Variants in CACNA1E observed in about 807,000 individuals in gnomAD.
CACNA1E encodes calcium voltage-gated channel subunit alpha1 E, also known as voltage-dependent R-type calcium channel subunit alpha-1E.
In CACNA1E, 40 loss-of-function variants were observed where a neutral mutation model predicts 259.2. The observed-to-expected ratio is 0.15, with a 90% confidence interval of 0.12 to 0.20. The LOEUF is 0.20. CACNA1E is among the 10% of genes least tolerant of loss of function. The pLI is 1.00. For synonymous variants in CACNA1E, 1,104 were observed against 1,138.5 expected, an observed-to-expected ratio of 0.97 and a Z score of 0.61; for missense variants, 1,874 against 3,040.1, an observed-to-expected ratio of 0.62 and a Z score of 9.02.
chr1:181,602,031 G>A (rs766799303), intron 6 of CACNA1E, among the ~76,000 whole-genome samples: 5 of 152,252 alleles, frequency 3.3e-5, no homozygotes, highest in Non-Finnish European at 7.4e-5. Context: ...ACTCTTTCCC[G>A]TCCTCTGGTC....
Position 181,485,394 on chromosome 1 carries a change from C to T in CACNA1E, c.266+1384C>T, listed in dbSNP as rs1663716198. 6.6e-6 allele frequency among the ~76,000 whole-genome samples: 1 copy of T among 152,164 alleles called. No individual in the cohort carries two copies. The highest frequency in any genetic ancestry group is 6.5e-5 in the Admixed American group (1 of 15,282). ...CCTCAGCAGCTCGGTGATTGGCTGGCGCGTGGTGCTTCTAGGCAGCACCCC... is the reference window on the plus strand; with the variant it reads ...CCTCAGCAGCTCGGTGATTGGCTGGTGCGTGGTGCTTCTAGGCAGCACCCC... On this transcript the variant is annotated intron_variant, in intron 1 of 47. Coordinates refer to ENST00000367573, the MANE Select transcript of CACNA1E (RefSeq NM_001205293.3). This position sits in a 1 kb window ranked among gnomAD's most constrained non-coding sequence, Gnocchi z 4.2.
chr1:181,800,837 G>A lies in CACNA1E; in HGVS notation c.*2003G>A, dbSNP rs1572930632. ...CCCGCCTTCTCTTCTGATACTAATGGAGCTTCATGACCCACGGTCAGCCCC... is the reference window on the plus strand; with the variant it reads ...CCCGCCTTCTCTTCTGATACTAATGAAGCTTCATGACCCACGGTCAGCCCC... On this transcript the variant is annotated 3_prime_UTR_variant, in exon 48 of 48. Transcript: ENST00000367573. 1 of 152,766 alleles carries A rather than the reference G, an allele frequency of 6.5e-6. No individual in the cohort carries two copies. The highest frequency in any genetic ancestry group is 1.5e-5 in the Non-Finnish European group (1 of 68,086). 9.5% of individuals were successfully genotyped at this position (152,766 alleles called of 1,614,324 possible).
chr1:181,720,478 C>A lies in CACNA1E; in HGVS notation c.1883+141C>A, dbSNP rs577349639. On this transcript the variant is annotated intron_variant, in intron 14 of 47. Coordinates refer to ENST00000367573, the MANE Select transcript of CACNA1E (RefSeq NM_001205293.3). ...GCCTGAATTAACCACTGAGTGAGTT[C>A]ATATGTGGAGTAAACGTCTCTGCTT... 1.6e-4 allele frequency: 139 copies of A among 873,818 alleles called. 1 individual carries two copies. The highest frequency in any genetic ancestry group is 2.8e-4 in the Admixed American group (11 of 39,842). 54.1% of individuals were successfully genotyped at this position (873,818 alleles called of 1,614,324 possible). A position where few individuals can be genotyped will look rare whatever the true frequency, so the allele number is the denominator to read the frequency against.
chr1:181,701,191 C>T (rs1034093816), intron 7 of CACNA1E, among the ~76,000 whole-genome samples: 2 of 152,184 alleles, frequency 1.3e-5, no homozygotes, highest in African/African-American at 4.8e-5. Flanking sequence ...AAAGCTTCAA[C>T]CTGGTAATAA....
chr1:181,373,263 C>T (rs570887137), intron 1 of CACNA1E, among the ~76,000 whole-genome samples: 14 of 152,116 alleles, frequency 9.2e-5, no homozygotes, highest in African/African-American at 3.4e-4. Flanking sequence ...TCTATCTGGT[C>T]CAGGGGTTTT....
At chr1:181,551,939 T>A (rs1355965343) in intron 3 of CACNA1E, among the ~76,000 whole-genome samples, 2 of 152,148 alleles carry the variant, frequency 1.3e-5, no homozygotes, top group Admixed American at 1.3e-4. Flanking sequence ...TTCTGGCCCC[T>A]TCTAATTTGA....
intron 1 of CACNA1E, among the ~76,000 whole-genome samples, chr1:181,359,289 G>A (rs1438793005): frequency 6.6e-6 from 1 of 152,174 alleles, no homozygotes; most frequent in East Asian, 1.9e-4. Context: ...AGCATGCTAA[G>A]GGAACAGAGG....
intron 7 of CACNA1E, among the ~76,000 whole-genome samples, chr1:181,708,594 C>T (rs1653027985): frequency 6.6e-6 from 1 of 152,172 alleles, no homozygotes; most frequent in Non-Finnish European, 1.5e-5. Flanking sequence ...AATCAAGACA[C>T]AGACCTATGA....
At chr1:181,716,457 C>T (rs1280982751) in intron 10 of CACNA1E, among the ~76,000 whole-genome samples, 1 of 152,156 alleles carries the variant, frequency 6.6e-6, no homozygotes, top group African/African-American at 2.4e-5. Flanking sequence ...CACTATGGGA[C>T]ATTGTTCAAA....
At chr1:181,452,346 G>GT (rs1558015411) in intron 2 of CACNA1E, among the ~76,000 whole-genome samples, 1 of 152,166 alleles carries the variant, frequency 6.6e-6, no homozygotes. Context: ...CAGAGATAAG[G>GT]AAGTGAGGCC....
At position 181,798,572 on chromosome 1, in the gene CACNA1E, A is replaced by G. The variant is rs1214108446; in HGVS notation, c.6680A>G (p.Tyr2227Cys). 1.2e-6 allele frequency: 2 copies of G among 1,613,512 alleles called. No individual in the cohort carries two copies. Among genetic ancestry groups the G allele is most frequent in the African/African-American group, 1.3e-5 (1 of 74,942 alleles). The change falls in exon 48 of 48, where the codon TAC (tyrosine) becomes TGC (cysteine). Residue 2227 changes from tyrosine (Y) to cysteine (C), a missense_variant. Transcript: ENST00000367573. This position sits in a 1 kb window ranked among gnomAD's most constrained non-coding sequence, Gnocchi z 4.2. ...AGCCAACATGCCTCCCCACAGCGCT[A>G]CATCTCCGAGCCCTACTTGGCCCTG... ...QQSQHASPQR[Y>C]ISEPYLALHE...
chr1:181,771,066 G>T (rs1038729868), intron 35 of CACNA1E, among the ~76,000 whole-genome samples: 1 of 152,148 alleles, frequency 6.6e-6, no homozygotes, highest in African/African-American at 2.4e-5. Flanking sequence ...CGTTATGCTT[G>T]GACCTTGCTG....
chr1:181,546,665 G>A (rs926681316), intron 3 of CACNA1E, among the ~76,000 whole-genome samples: 3 of 152,092 alleles, frequency 2.0e-5, no homozygotes, highest in East Asian at 1.9e-4. Context: ...CAGCTGCTGC[G>A]GTGATAAACA....
intron 25 of CACNA1E, among the ~76,000 whole-genome samples, chr1:181,743,900 C>A (rs1460281925): frequency 6.6e-6 from 1 of 152,254 alleles, no homozygotes; most frequent in African/African-American, 2.4e-5. Flanking sequence ...TCTCCTCCCC[C>A]ACCTCGGAAT....
chr1:181,625,126 A>T (rs956945147), intron 6 of CACNA1E, among the ~76,000 whole-genome samples: 3 of 146,770 alleles, frequency 2.0e-5, no homozygotes, highest in African/African-American at 7.5e-5. Flanking sequence ...CTGTAAACAG[A>T]TGTTCTGTCA....
chr1:181,579,256 C>T, intron 5 of CACNA1E, 32 bp downstream of exon 5: 1 of 1,562,876 alleles, frequency 6.4e-7, no homozygotes, highest in Non-Finnish European at 8.7e-7. Flanking sequence ...TTCTCCTTTT[C>T]CCTTCTCCCC....
At chr1:181,438,657 T>C (rs976602420) in intron 2 of CACNA1E, among the ~76,000 whole-genome samples, 3 of 152,224 alleles carry the variant, frequency 2.0e-5, no homozygotes, top group Admixed American at 6.5e-5. Context: ...CCCATGAGAA[T>C]GGCAAAATTC....
rs1662035748 is a variant in CACNA1E, at chr1:181,798,675, C to A, written c.6783C>A (p.Gly2261=). The A allele has an allele frequency of 1.9e-6, 3 of 1,609,852 alleles. No individual in the cohort carries two copies. The highest frequency in any genetic ancestry group is 2.5e-6 in the Non-Finnish European group (3 of 1,177,408). The part of the protein sequence containing the change: ...TFEAAVATSL[G]RSNTIGSAPP... Reference sequence around the variant, plus strand: ...AAGCAGCCGTGGCTACTAGCCTGGGCCGTTCCAACACCATCGGCTCAGCCC... The same window carrying A: ...AAGCAGCCGTGGCTACTAGCCTGGGACGTTCCAACACCATCGGCTCAGCCC... The change falls in exon 48 of 48, where the codon GGC becomes GGA. Residue 2261 remains glycine, a synonymous_variant. Coordinates refer to ENST00000367573, the MANE Select transcript of CACNA1E (RefSeq NM_001205293.3). This position sits in a 1 kb window ranked among gnomAD's most constrained non-coding sequence, Gnocchi z 4.2.
chr1:181,796,726 A>G lies in CACNA1E; in HGVS notation c.6267A>G (p.Arg2089=). The change falls in exon 47 of 48, where the codon CGA becomes CGG. Residue 2089 remains arginine (R), a synonymous_variant. Coordinates refer to ENST00000367573, the MANE Select transcript of CACNA1E (RefSeq NM_001205293.3). ...GGRERGRSKE[R]KHLLSPDVSR... ...GGGAGCGGGGACGATCAAAAGAGCG[A>G]AAGCATCTTCTCTCTCCTGATGTCT... The G allele has an allele frequency of 6.2e-7, 1 of 1,613,180 alleles. No homozygotes were observed. The highest frequency in any genetic ancestry group is 8.5e-7 in the Non-Finnish European group (1 of 1,179,340).
Sources: gnomAD v4.1 joint callset for allele counts (sites outside exome capture counted in the v4.1 genomes callset) on GRCh38, gnomAD v4.1.1 for gene constraint, Gnocchi (gnomAD v3.1) non-coding constraint, MANE v1.5 for transcripts, NCBI Gene and HGNC (gene_info 2026-07-23, HGNC 2026-07-21) for gene names.